Variants in PCDHA1 observed in about 807,000 individuals in gnomAD.
PCDHA1 encodes the protein protocadherin alpha-1.
Under a neutral mutation model 61.3 loss-of-function variants are expected in PCDHA1, and 42 were observed. That is an observed-to-expected ratio of 0.69 (90% CI 0.54 to 0.89). The LOEUF (loss-of-function observed/expected upper bound fraction) is 0.89, where lower values mean the gene tolerates loss of function less well. Ranked by LOEUF, PCDHA1 falls within the 40% of genes least tolerant of loss-of-function variation. The pLI, the probability that PCDHA1 is intolerant of heterozygous loss-of-function variation, is 0.00. For missense variants in PCDHA1, 1,256 were observed against 1,235.3 expected, an observed-to-expected ratio of 1.02 and a Z score of -0.25; for synonymous variants, 610 against 553.8, an observed-to-expected ratio of 1.10 and a Z score of -1.43.
intron 1 of PCDHA1, chr5:140,849,181 T>C: frequency 1.9e-6 from 2 of 1,077,314 alleles, no homozygotes; most frequent in African/African-American, 1.9e-5. Context: ...GTTCAATTAC[T>C]CATCACGGTA....
In PCDHA1 at chr5:140,849,449, C is replaced by T. The variant is rs200997092; in HGVS notation, c.2394+60765C>T. 81 of 1,586,124 alleles carry T rather than the reference C, an allele frequency of 5.1e-5. 9 individuals carry two copies. The highest frequency in any genetic ancestry group is 3.8e-4 in the Middle Eastern group (2 of 5,312). On this transcript the variant is annotated intron_variant, in intron 1 of 3. Coordinates refer to ENST00000504120, the MANE Select transcript of PCDHA1 (RefSeq NM_018900.4). ...TTGAAGAAAGTAGAGCACACAAGAT[C>T]CCAGTCGAGGCTGTCGATAAAGGCT...
At chr5:140,985,310 TG>T (rs1563522847) in intron 3 of PCDHA1, among the ~76,000 whole-genome samples, 2 of 152,196 alleles carry the variant, frequency 1.3e-5, no homozygotes, top group African/African-American at 4.8e-5. Flanking sequence ...GATAGCCTGG[TG>T]GCCAGAATTC....
chr5:140,875,882 A>G (rs2055902382), intron 1 of PCDHA1: 1 of 1,614,158 alleles, frequency 6.2e-7, no homozygotes, highest in Non-Finnish European at 8.5e-7. Flanking sequence ...AGAGAAAGGG[A>G]ACAAAAGGTA....
intron 3 of PCDHA1, among the ~76,000 whole-genome samples, chr5:140,991,912 A>G (rs1022060256): frequency 1.3e-5 from 2 of 152,150 alleles, no homozygotes; most frequent in Non-Finnish European, 2.9e-5. Context: ...CCCTTTTGCC[A>G]TGTAACATAA....
At chr5:140,834,321 A>G in intron 1 of PCDHA1, 1 of 1,440,210 alleles carries the variant, frequency 6.9e-7, no homozygotes, top group African/African-American at 1.4e-5. Context: ...TGAAGGGATA[A>G]AAACATTCCT....
chr5:140,981,787 T>C (rs2096951436), intron 2 of PCDHA1, among the ~76,000 whole-genome samples: 1 of 152,116 alleles, frequency 6.6e-6, no homozygotes, highest in Non-Finnish European at 1.5e-5. Flanking sequence ...CCATGTTCTC[T>C]TTTCCCTTGA....
chr5:140,991,588 C>T (rs1252872687), intron 3 of PCDHA1, among the ~76,000 whole-genome samples: 3 of 152,212 alleles, frequency 2.0e-5, no homozygotes, highest in African/African-American at 7.2e-5. Flanking sequence ...TTATTTCTAC[C>T]TGAGCCCTCA....
At chr5:140,849,348 G>A (rs1426659578) in intron 1 of PCDHA1, 2 of 1,434,152 alleles carry the variant, frequency 1.4e-6, no homozygotes, top group Non-Finnish European at 9.5e-7. Flanking sequence ...CTCCAGTGAT[G>A]TTTCTCCAGA....
chr5:140,873,995 G>A (rs1218409385), intron 1 of PCDHA1, among the ~76,000 whole-genome samples: 9 of 152,284 alleles, frequency 5.9e-5, no homozygotes, highest in African/African-American at 2.2e-4. Context: ...AGCATGTATG[G>A]TACATTGACC....
chr5:140,904,828 A>G (rs1196362639), intron 1 of PCDHA1, among the ~76,000 whole-genome samples: 7 of 151,794 alleles, frequency 4.6e-5, no homozygotes, highest in African/African-American at 1.7e-4. Flanking sequence ...GCATTTTTTT[A>G]TATGTTTCAT....
At chr5:140,823,162 G>A (rs2150122942) in intron 1 of PCDHA1, 13 of 1,613,938 alleles carry the variant, frequency 8.1e-6, no homozygotes, top group Non-Finnish European at 1.0e-5. Context: ...TACCGTGTTC[G>A]TGAAGGAGAA....
intron 1 of PCDHA1, chr5:140,829,603 G>A: frequency 6.2e-7 from 1 of 1,612,072 alleles, no homozygotes; most frequent in Non-Finnish European, 8.5e-7. Context: ...AGCGCGCGTT[G>A]TCGAGCTACA....
At chr5:140,835,970 G>T (rs1178302162) in intron 1 of PCDHA1, 1 of 1,613,202 alleles carries the variant, frequency 6.2e-7, no homozygotes, top group Non-Finnish European at 8.5e-7. Flanking sequence ...AGGAGCTGGA[G>T]CTGTTGCAGT....
At chr5:140,804,859 A>G in intron 1 of PCDHA1, 1 of 541,546 alleles carries the variant, frequency 1.8e-6, no homozygotes, top group Non-Finnish European at 3.1e-6. Context: ...TCTAACACGT[A>G]AAATAGATAT....
chr5:140,875,422 AG>A (rs1554167622), intron 1 of PCDHA1: 1 of 1,524,010 alleles, frequency 6.6e-7, no homozygotes, highest in Non-Finnish European at 8.8e-7. Context: ...ACCTCAGGCA[AG>A]CGATCCCTTA....
At chr5:140,875,536 G>A (rs2055577552) in intron 1 of PCDHA1, 2 of 1,614,130 alleles carry the variant, frequency 1.2e-6, no homozygotes, top group Non-Finnish European at 1.7e-6. Flanking sequence ...TCTGCTCCTT[G>A]CAGCCTGGGA....
chr5:140,882,347 G>A (rs1554173687), intron 1 of PCDHA1: 3 of 1,614,198 alleles, frequency 1.9e-6, no homozygotes, highest in South Asian at 2.2e-5. Context: ...CTGGGAGACG[G>A]GTAGTGGCCA....
Position 140,791,767 on chromosome 5 carries a change from T to C in PCDHA1, c.2394+3083T>C, listed in dbSNP as rs1011974018. ...AAAAATAATAAACTGAAATTTAAAATGTCATAGATATTCCTTCTTTTTTCT... is the reference window on the plus strand; with the variant it reads ...AAAAATAATAAACTGAAATTTAAAACGTCATAGATATTCCTTCTTTTTTCT... On this transcript the variant is annotated intron_variant, in intron 1 of 3. Coordinates refer to ENST00000504120, the MANE Select transcript of PCDHA1 (RefSeq NM_018900.4). Among the ~76,000 whole-genome samples the C allele has an allele frequency of 2.6e-5, 4 of 152,244 alleles. No individual in the cohort carries two copies. In the South Asian group the frequency reaches 8.3e-4, roughly 31 times the overall value.
At chr5:140,902,702 C>T (rs78828243) in intron 1 of PCDHA1, among the ~76,000 whole-genome samples, 7,835 of 152,116 alleles carry the variant, frequency 0.052, 268 homozygotes, top group Admixed American at 0.075. Flanking sequence ...AGTCTTTTAT[C>T]TTTCACTCCC....
Sources: allele counts gnomAD v4.1 joint callset (sites outside exome capture counted in the v4.1 genomes callset), GRCh38; gene constraint gnomAD v4.1.1; transcripts MANE v1.5; gene names NCBI Gene and HGNC (gene_info 2026-07-23, HGNC 2026-07-21).